The following EPB41L3 variants were observed in gnomAD, a reference collection of about 807,000 sequenced individuals.
The protein encoded by EPB41L3 is erythrocyte membrane protein band 4.1 like 3, also known as band 4.1-like protein 3.
A neutral mutation model predicts 127.1 loss-of-function variants in EPB41L3; 57 were observed. The ratio of observed to expected loss-of-function variants is 0.45; its 90% confidence interval spans 0.36 to 0.56. EPB41L3 has a LOEUF of 0.56. EPB41L3 is among the 20% of genes least tolerant of loss of function. The pLI is 0.00. For missense variants in EPB41L3, 1,273 were observed against 1,372.2 expected, an observed-to-expected ratio of 0.93 and a Z score of 1.14; for synonymous variants, 572 against 549.5, an observed-to-expected ratio of 1.04 and a Z score of -0.57.
Position 5,416,103 on chromosome 18 carries a change from C to T in EPB41L3, c.1782G>A (p.Glu594=). 6.2e-7 allele frequency: 1 copy of T among 1,612,446 alleles called. No individual in the cohort carries two copies. The highest frequency in any genetic ancestry group is 8.5e-7 in the Non-Finnish European group (1 of 1,178,980). ...TLFSFSLQLP[E]SFPSLLDDDG... ...CATCATCTAGGAGGGAGGGGAATGA[C>T]TCAGGGAGCTGCAAGGAGAAGGAGA... Residue 594 remains glutamate (E), a synonymous_variant, in exon 13 of 23, where the codon GAG becomes GAA. Coordinates refer to ENST00000341928, the MANE Select transcript of EPB41L3 (RefSeq NM_012307.5).
upstream of EPB41L3, among the ~76,000 whole-genome samples, chr18:5,544,566 C>A (rs186131431): frequency 6.6e-6 from 1 of 152,136 alleles, no homozygotes; most frequent in Non-Finnish European, 1.5e-5. Flanking sequence ...AGCTTTCCAC[C>A]GAAATTTACC....
At chr18:5,583,358 C>T (rs191395937) in intron 3 of EPB41L3, among the ~76,000 whole-genome samples, 28 of 152,342 alleles carry the variant, frequency 1.8e-4, no homozygotes, top group African/African-American at 6.7e-4. Context: ...CCATGTCTAC[C>T]TAATTCAAGA....
intron 5 of EPB41L3, 108 bp downstream of exon 5, chr18:5,443,730 A>C (rs1218819616): frequency 3.7e-6 from 3 of 801,118 alleles, no homozygotes; most frequent in East Asian, 2.6e-5. Context: ...ATTTGAGATA[A>C]GAAAAGCTTG....
At chr18:5,544,155 G>C, upstream of EPB41L3, 1 of 985,506 alleles carries the variant, frequency 1.0e-6, no homozygotes, top group Non-Finnish European at 1.2e-6. Context: ...TCCCAGCCGC[G>C]GGGGAGGGGG....
chr18:5,500,585 C>G (rs1568434196), intron 1 of EPB41L3, among the ~76,000 whole-genome samples: 1 of 152,178 alleles, frequency 6.6e-6, no homozygotes. Flanking sequence ...CAAGAATCCA[C>G]GATTCAGGTT....
chr18:5,594,038 A>G (rs895120653), intron 3 of EPB41L3, among the ~76,000 whole-genome samples: 9 of 152,312 alleles, frequency 5.9e-5, no homozygotes, highest in East Asian at 5.8e-4. Flanking sequence ...GTCCTGAGGC[A>G]ACATACATCC....
chr18:5,611,755 C>T (rs539991525), intron 3 of EPB41L3, among the ~76,000 whole-genome samples: 8 of 152,070 alleles, frequency 5.3e-5, no homozygotes, highest in African/African-American at 1.9e-4. Flanking sequence ...TAGTGAGACA[C>T]TGTCTCTACA....
At chr18:5,472,411 T>C (rs77777070) in intron 3 of EPB41L3, among the ~76,000 whole-genome samples, 1,997 of 152,258 alleles carry the variant, frequency 0.013, 35 homozygotes, top group South Asian at 0.045. Context: ...ATGGGGCCAT[T>C]TGGTTACAGC....
At chr18:5,495,416 A>C (rs1348479474) in intron 1 of EPB41L3, among the ~76,000 whole-genome samples, 2 of 133,620 alleles carry the variant, frequency 1.5e-5, no homozygotes, top group Non-Finnish European at 3.1e-5. Flanking sequence ...AAAAAAAAAA[A>C]AACTAAATGA....
chr18:5,448,822 CCT>C (rs1360161301), intron 3 of EPB41L3, among the ~76,000 whole-genome samples: 2 of 152,142 alleles, frequency 1.3e-5, no homozygotes, highest in Non-Finnish European at 2.9e-5. Context: ...TAAAATTTCC[CCT>C]GACAAATTGC....
At chr18:5,424,923 T>C (rs1253526642) in intron 9 of EPB41L3, among the ~76,000 whole-genome samples, 1 of 152,226 alleles carries the variant, frequency 6.6e-6, no homozygotes, top group Non-Finnish European at 1.5e-5. Context: ...CGTCTCTCTA[T>C]ATCATACGTA....
chr18:5,423,548 A>G lies in EPB41L3; in HGVS notation c.1169T>C (p.Leu390Pro). The change falls in exon 11 of 23, where the codon CTG becomes CCG. Residue 390 changes from leucine (L) to proline (P), a missense_variant. By Grantham distance (98) the Leu-to-Pro change is moderately conservative (BLOSUM62 -3). Around this residue, in one of 3 missense-constraint regions of EPB41L3, gnomAD observed 326 missense variants for 440.2 expected, o/e 0.74. Coordinates refer to ENST00000341928, the MANE Select transcript of EPB41L3 (RefSeq NM_012307.5). ...TTTCTTGGGAGGTGCTTCTGGTAACAGTAGTCTAAAGAGAATAAAGAAAAA... is the reference window on the plus strand; with the variant it reads ...TTTCTTGGGAGGTGCTTCTGGTAACGGTAGTCTAAAGAGAATAAAGAAAAA... ...CVEHHTFFRLLLPEAPPKKFL... is the reference protein window; with the variant it reads ...CVEHHTFFRLPLPEAPPKKFL... 1 of 1,602,780 alleles carries G rather than the reference A, an allele frequency of 6.2e-7. No homozygotes were observed. Among genetic ancestry groups the G allele is most frequent in the Non-Finnish European group, 8.5e-7 (1 of 1,172,676 alleles).
At chr18:5,630,461 A>G, upstream of EPB41L3, 2 of 518,944 alleles carry the variant, frequency 3.9e-6, no homozygotes, top group Non-Finnish European at 7.7e-6. Context: ...GAAAAAAAGT[A>G]GCGCAAGGGC....
chr18:5,416,287 T>C lies in EPB41L3; in HGVS notation c.1598A>G (p.Lys533Arg), dbSNP rs753008817. ...TSPTELRRRC[K>R]ENDCKLPGYE... is the part of the protein sequence containing the mutation. ...ACCTGGCAGTTTGCAGTCATTCTCC[T>C]TACACCTCCTACGGAGCTCTGTGGG... Residue 533 changes from lysine (K) to arginine (R), a missense_variant, in exon 13 of 23, where the codon AAG (lysine) becomes AGG (arginine). Around this residue, in one of 3 missense-constraint regions of EPB41L3, gnomAD observed 765 missense variants for 782.9 expected, o/e 0.98. Transcript: ENST00000341928. 5 of 1,613,940 alleles carry C rather than the reference T, an allele frequency of 3.1e-6. No individual in the cohort carries two copies. The African/African-American group carries it at 4.0e-5, about 13-fold the overall frequency.
chr18:5,431,363 C>T (rs1030544367), intron 8 of EPB41L3: 25 of 152,154 alleles, frequency 1.6e-4, no homozygotes, highest in African/African-American at 5.8e-4. Context: ...AGTAAATTTG[C>T]TTCTTCAAAT....
In EPB41L3 at chr18:5,554,457, T is replaced by A. The variant is rs528258017; in HGVS notation, c.-306+57883A>T. Reference sequence around the variant, plus strand: ...TGGGATTAGACACAGGAAGGAGATTTGGAAGGAAGAAACTAAATCTAAGGG... The same window carrying A: ...TGGGATTAGACACAGGAAGGAGATTAGGAAGGAAGAAACTAAATCTAAGGG... On this transcript the variant is annotated intron_variant, in intron 3 of 21. Transcript: ENST00000545076. 2.6e-5 allele frequency among the ~76,000 whole-genome samples: 4 copies of A among 152,310 alleles called. No homozygotes were observed. The East Asian group carries it at 7.7e-4, about 29-fold the overall frequency.
Position 5,397,369 on chromosome 18 carries a change from G to A in EPB41L3, c.2530C>T (p.Leu844=), listed in dbSNP as rs145385312. ...ACCACCTTCTCAGTGCTAAGCGGCA[G>A]GTGGTGCACGGTGGGTTCCGTCTCT... The part of the protein sequence containing the change: ...GIETEPTVHH[L]PLSTEKVVQE... Residue 844 remains leucine (L), a synonymous_variant, in exon 18 of 23, where the codon CTG becomes TTG. Coordinates refer to ENST00000341928, the MANE Select transcript of EPB41L3 (RefSeq NM_012307.5). This position sits in a 1 kb window ranked among gnomAD's most constrained non-coding sequence, Gnocchi z 4.1. 6.5e-5 allele frequency: 105 copies of A among 1,613,804 alleles called. No homozygotes were observed. The highest frequency in any genetic ancestry group is 8.6e-5 in the Non-Finnish European group (101 of 1,179,982).
At chr18:5,452,726 C>T (rs2082449217) in intron 3 of EPB41L3, among the ~76,000 whole-genome samples, 1 of 152,034 alleles carries the variant, frequency 6.6e-6, no homozygotes, top group Non-Finnish European at 1.5e-5. Flanking sequence ...AAAACACTAA[C>T]TTCCATTTAA....
intron 1 of EPB41L3, among the ~76,000 whole-genome samples, chr18:5,627,623 A>C (rs757626418): frequency 5.1e-4 from 77 of 152,294 alleles, no homozygotes; most frequent in Non-Finnish European, 8.1e-4. Context: ...GATTGACCTA[A>C]AAATTATTAA....
Sources: gnomAD v4.1 joint callset for allele counts (sites outside exome capture counted in the v4.1 genomes callset) on GRCh38, gnomAD v4.1.1 for gene constraint, gnomAD v4.1.1 regional missense constraint, Gnocchi (gnomAD v3.1) non-coding constraint, MANE v1.5 for transcripts, NCBI Gene and HGNC (gene_info 2026-07-23, HGNC 2026-07-21) for gene names.